N4BP2L1: variants seen among roughly 807,000 people sequenced by gnomAD.
The protein encoded by N4BP2L1 is NEDD4 binding protein 2 like 1, also known as NEDD4-binding protein 2-like 1.
In N4BP2L1, 12 loss-of-function variants were observed where a neutral mutation model predicts 21.2. That is an observed-to-expected ratio of 0.57 (90% CI 0.36 to 0.92). N4BP2L1 has a LOEUF of 0.92. Ranked by LOEUF, N4BP2L1 falls within the 40% of genes least tolerant of loss-of-function variation. The probability of loss-of-function intolerance (pLI) is 0.01; values close to 1 mark genes in which losing one functional copy is unlikely to be tolerated. For missense variants in N4BP2L1, 259 were observed against 310.6 expected, an observed-to-expected ratio of 0.83 and a Z score of 1.25; for synonymous variants, 104 against 112.8, an observed-to-expected ratio of 0.92 and a Z score of 0.49.
chr13:32,411,710 T>G, intron 1 of N4BP2L1: 1 of 984,536 alleles, frequency 1.0e-6, no homozygotes, highest in East Asian at 1.1e-4. Context: ...AAATCACTAT[T>G]ATAAGAGAAA....
At position 32,403,108 on chromosome 13, in the gene N4BP2L1, T is replaced by C; in HGVS notation, c.566A>G (p.Glu189Gly). The change falls in exon 5 of 5, where the codon GAA (glutamate) becomes GGA (glycine). Residue 189 changes from glutamate to glycine, a missense_variant. Physicochemically the swap from Glu to Gly is moderately conservative, Grantham distance 98. Transcript: ENST00000380130. Reference sequence around the variant, plus strand: ...GTTTCTGTTCATTCTGCTTGGCTTTTCTGCATGAAGCACACTGTGAAAAGT... The same window carrying C: ...GTTTCTGTTCATTCTGCTTGGCTTTCCTGCATGAAGCACACTGTGAAAAGT... ...DVTFHSVLHA[E>G]KPSRMNRNQD... 6.2e-7 allele frequency: 1 copy of C among 1,614,194 alleles called. No individual in the cohort carries two copies. Among genetic ancestry groups the C allele is most frequent in the Non-Finnish European group, 8.5e-7 (1 of 1,180,036 alleles).
chr13:32,423,189 C>A (rs1205184711), intron 1 of N4BP2L1, among the ~76,000 whole-genome samples: 3 of 152,188 alleles, frequency 2.0e-5, no homozygotes, highest in Non-Finnish European at 4.4e-5. Context: ...AGAAAAGCAT[C>A]CTTTCACTTC....
Position 32,428,110 on chromosome 13 carries a change from C to T in N4BP2L1, c.-28G>A, listed in dbSNP as rs751113331. ...GCAGGAGGGCTGGCTGCGAGAGCCCCGGGTTCCCTTTACTGAAGTCACGGT... is the reference window on the plus strand; with the variant it reads ...GCAGGAGGGCTGGCTGCGAGAGCCCTGGGTTCCCTTTACTGAAGTCACGGT... On this transcript the variant is annotated 5_prime_UTR_variant, in exon 1 of 5. Transcript: ENST00000380130. 2 of 1,427,036 alleles carry T rather than the reference C, an allele frequency of 1.4e-6. No individual in the cohort carries two copies. Among genetic ancestry groups the T allele is most frequent in the Non-Finnish European group, 1.8e-6 (2 of 1,085,964 alleles). 88.4% of individuals were successfully genotyped at this position (1,427,036 alleles called of 1,614,324 possible).
At chr13:32,420,834 C>T (rs1336417891) in intron 1 of N4BP2L1, among the ~76,000 whole-genome samples, 1 of 152,170 alleles carries the variant, frequency 6.6e-6, no homozygotes, top group Non-Finnish European at 1.5e-5. Flanking sequence ...GCTGGGATTA[C>T]AGGCACCTGC....
chr13:32,404,685 C>T (rs17077541), intron 3 of N4BP2L1, among the ~76,000 whole-genome samples: 3,843 of 150,998 alleles, frequency 0.025, 154 homozygotes, highest in African/African-American at 0.088. Context: ...TAGTTTAAAA[C>T]GTCCTGAACA....
chr13:32,411,902 G>T, intron 1 of N4BP2L1: 1 of 345,308 alleles, frequency 2.9e-6, no homozygotes, highest in Non-Finnish European at 4.1e-6. Flanking sequence ...TTTCAAGCAT[G>T]CAAAAGTAGA....
intron 1 of N4BP2L1, among the ~76,000 whole-genome samples, chr13:32,408,700 A>G (rs2073672135): frequency 1.3e-5 from 2 of 152,250 alleles, no homozygotes. Context: ...AAATATGGTC[A>G]CATGGCCATG....
chr13:32,429,212 C>CT (rs545413796), upstream of N4BP2L1, among the ~76,000 whole-genome samples: 93 of 152,356 alleles, frequency 6.1e-4, no homozygotes, highest in African/African-American at 2.0e-3. Context: ...TAGGAAGGGA[C>CT]TATCCAAGTG....
chr13:32,419,560 C>T (rs991148265), intron 1 of N4BP2L1: 1 of 268,236 alleles, frequency 3.7e-6, no homozygotes, highest in African/African-American at 2.3e-5. Context: ...GCATAAGCCA[C>T]TGCGCCCGGC....
intron 1 of N4BP2L1, among the ~76,000 whole-genome samples, chr13:32,411,086 C>A (rs1484117220): frequency 6.6e-6 from 1 of 152,188 alleles, no homozygotes; most frequent in East Asian, 1.9e-4. Flanking sequence ...ATCCAATTCA[C>A]TGTTTGTTTT....
chr13:32,426,482 C>A lies in N4BP2L1; in HGVS notation c.179+1422G>T, dbSNP rs182076196. ...GTGTCCCTGGTTTAGGAAAGGGTGC[C>A]CACGGTCCTCCAGAAGTCACATGTC... On this transcript the variant is annotated intron_variant, in intron 1 of 4. Coordinates refer to ENST00000380130, the MANE Select transcript of N4BP2L1 (RefSeq NM_052818.3). Among the ~76,000 whole-genome samples, 302 of 152,234 alleles carry A rather than the reference C, an allele frequency of 2.0e-3. 3 individuals carry two copies. Among genetic ancestry groups the A allele is most frequent in the Admixed American group, 3.7e-3 (56 of 15,300 alleles).
chr13:32,427,990 C>A lies in N4BP2L1; in HGVS notation c.93G>T (p.Arg31=). Reference sequence around the variant, plus strand: ...AGCTGTGGCGGCGAGGAGGTGTCCCCCGCGGGGGCGGCCGGGGCGGCCGCT... The same window carrying A: ...AGCTGTGGCGGCGAGGAGGTGTCCCACGCGGGGGCGGCCGGGGCGGCCGCT... ...QRQRPPRPPP[R]GTPPRRHSFR... The change falls in exon 1 of 5, where the codon CGG becomes CGT. Residue 31 remains arginine (R), a synonymous_variant. Coordinates refer to ENST00000380130, the MANE Select transcript of N4BP2L1 (RefSeq NM_052818.3). The A allele has an allele frequency of 6.4e-7, 1 of 1,556,474 alleles. No individual in the cohort carries two copies. Among genetic ancestry groups the A allele is most frequent in the Non-Finnish European group, 8.7e-7 (1 of 1,153,682 alleles).
chr13:32,420,256 A>C (rs206327), intron 1 of N4BP2L1: 51,842 of 152,196 alleles, frequency 0.34, 11,210 homozygotes, highest in African/African-American at 0.6. Context: ...AAATTCCTTT[A>C]AGTATCTTGC....
chr13:32,405,149 C>T (rs1415535354), intron 3 of N4BP2L1, among the ~76,000 whole-genome samples: 1 of 152,152 alleles, frequency 6.6e-6, no homozygotes, highest in African/African-American at 2.4e-5. Context: ...AACCGGAAAC[C>T]TCTCATTTCT....
chr13:32,426,204 G>A (rs187771846), intron 1 of N4BP2L1, among the ~76,000 whole-genome samples: 2 of 152,174 alleles, frequency 1.3e-5, no homozygotes, highest in Admixed American at 1.3e-4. Flanking sequence ...AATTAAATCT[G>A]GCCAAAGACG....
At chr13:32,408,748 AG>A (rs1566298784) in intron 1 of N4BP2L1, among the ~76,000 whole-genome samples, 1 of 152,232 alleles carries the variant, frequency 6.6e-6, no homozygotes, top group Non-Finnish European at 1.5e-5. Flanking sequence ...GGAGGAAAAA[AG>A]GTTGGAGAAT....
rs1593212316 is a variant in N4BP2L1 at position 32,402,401 on chromosome 13, A to T, written c.*541T>A. The T allele has an allele frequency of 1.3e-6, 1 of 780,794 alleles. No individual in the cohort carries two copies. The allele number at this position is 780,794 out of a possible 1,614,324, so 48.4% of individuals were successfully genotyped here. A position where few individuals can be genotyped will look rare whatever the true frequency, so the allele number is the denominator to read the frequency against. ...ACTTTGAAGGACAATGTTCCCTTAG[A>T]TGTATGCTTTCTGGCATATTAACAT... On this transcript the variant is annotated 3_prime_UTR_variant, in exon 5 of 5. Coordinates refer to ENST00000380130, the MANE Select transcript of N4BP2L1 (RefSeq NM_052818.3).
Position 32,407,655 on chromosome 13 carries a change from G to A in N4BP2L1, c.297C>T (p.Asn99=), listed in dbSNP as rs1337668673. The A allele has an allele frequency of 1.2e-6, 2 of 1,613,238 alleles. No individual in the cohort carries two copies. Among genetic ancestry groups the A allele is most frequent in the Admixed American group, 3.3e-5 (2 of 59,994 alleles). The part of the protein sequence containing the change: ...PDFLEEAHEW[N]QKRARKAMRN... ...GAAGGAATTTGTCACCTCTTTTTTG[G>A]TTCCATTCATGAGCTTCCTCCAGGA... is the stretch of plus-strand genomic sequence containing the variant. Residue 99 remains asparagine (N), a synonymous_variant, in exon 2 of 5, where the codon AAC becomes AAT. Coordinates refer to ENST00000380130, the MANE Select transcript of N4BP2L1 (RefSeq NM_052818.3).
At chr13:32,411,776 T>C (rs2073877127) in intron 1 of N4BP2L1, 4 of 977,006 alleles carry the variant, frequency 4.1e-6, no homozygotes, top group Non-Finnish European at 4.9e-6. Context: ...CTTTATTTAA[T>C]AATAGAGAAC....
Sources: allele counts gnomAD v4.1 joint callset (sites outside exome capture counted in the v4.1 genomes callset), GRCh38; gene constraint gnomAD v4.1.1; transcripts MANE v1.5; gene names NCBI Gene and HGNC (gene_info 2026-07-23, HGNC 2026-07-21).